The following SRCIN1 variants were observed in gnomAD, a reference collection of about 807,000 sequenced individuals.
The protein encoded by SRCIN1 is P130Cas-associated protein.
Under a neutral mutation model 116.2 loss-of-function variants are expected in SRCIN1, and 50 were observed. The observed-to-expected ratio is 0.43, with a 90% confidence interval of 0.34 to 0.54. The LOEUF (loss-of-function observed/expected upper bound fraction) is 0.54, where lower values mean the gene tolerates loss of function less well. SRCIN1 is among the 20% of genes least tolerant of loss of function. The pLI is 0.02. For synonymous variants in SRCIN1, 736 were observed against 750.0 expected, an observed-to-expected ratio of 0.98 and a Z score of 0.30; for missense variants, 1,446 against 1,672.0, an observed-to-expected ratio of 0.86 and a Z score of 2.36.
chr17:38,590,642 C>G (rs563447905), intron 1 of SRCIN1, among the ~76,000 whole-genome samples: 1 of 152,318 alleles, frequency 6.6e-6, no homozygotes, highest in East Asian at 1.9e-4. Context: ...TTGCAAACCC[C>G]CTATTTTACA....
chr17:38,556,592 G>A (rs187485305), intron 11 of SRCIN1, among the ~76,000 whole-genome samples: 40 of 152,362 alleles, frequency 2.6e-4, no homozygotes, highest in African/African-American at 9.4e-4. Context: ...CAGGGTTAAA[G>A]CCTGGGAAGG....
At chr17:38,592,239 G>A (rs1221754303) in intron 1 of SRCIN1, among the ~76,000 whole-genome samples, 3 of 152,168 alleles carry the variant, frequency 2.0e-5, no homozygotes, top group South Asian at 2.1e-4. Context: ...TCTGCAGCTC[G>A]GCACCTGTCA....
At chr17:38,540,224 G>A (rs1393900184) in intron 18 of SRCIN1, among the ~76,000 whole-genome samples, 2 of 152,084 alleles carry the variant, frequency 1.3e-5, no homozygotes, top group Non-Finnish European at 2.9e-5. Flanking sequence ...CTTCTCCTCA[G>A]TCACTTCCTC....
At chr17:38,587,780 C>G in intron 1 of SRCIN1, among the ~76,000 whole-genome samples, 1 of 152,152 alleles carries the variant, frequency 6.6e-6, no homozygotes, top group East Asian at 1.9e-4. Flanking sequence ...AGTGATGCCC[C>G]CAGCCCAGGG....
rs1472899957 is a variant in SRCIN1, at chr17:38,578,502, C to T, written c.312G>A (p.Arg104=). 1 of 1,588,554 alleles carries T rather than the reference C, an allele frequency of 6.3e-7. No homozygotes were observed. Among genetic ancestry groups the T allele is most frequent in the African/African-American group, 1.3e-5 (1 of 74,086 alleles). Residue 104 remains arginine (R), a synonymous_variant, in exon 2 of 19, where the codon AGG becomes AGA. Coordinates refer to ENST00000617146, the MANE Select transcript of SRCIN1 (RefSeq NM_025248.3). ...GGAGCCCACTCACCTGCTCTCGCATCCTGTCCTGCTGGCCTCGCAGGGCCA... is the reference window on the plus strand; with the variant it reads ...GGAGCCCACTCACCTGCTCTCGCATTCTGTCCTGCTGGCCTCGCAGGGCCA... ...HALALRGQQD[R]MREQPNYWSF...
intron 15 of SRCIN1, among the ~76,000 whole-genome samples, chr17:38,550,382 T>TC (rs1308020321): frequency 6.6e-6 from 1 of 152,032 alleles, no homozygotes; most frequent in African/African-American, 2.4e-5. Flanking sequence ...TAGTCCCAGC[T>TC]ACTCGGGAGG....
chr17:38,586,909 G>T (rs1279782330), intron 1 of SRCIN1, among the ~76,000 whole-genome samples: 1 of 152,192 alleles, frequency 6.6e-6, no homozygotes, highest in Non-Finnish European at 1.5e-5. Context: ...TGAGGCTGGG[G>T]GCCTGGGCCC....
chr17:38,551,900 C>T lies in SRCIN1; in HGVS notation c.2713G>A (p.Ala905Thr). 6.2e-7 allele frequency: 1 copy of T among 1,613,962 alleles called. No individual in the cohort carries two copies. Among genetic ancestry groups the T allele is most frequent in the Non-Finnish European group, 8.5e-7 (1 of 1,179,898 alleles). ...DTPGKRSVDK[A>T]VSVEAAERDW... ...GGCCCCAGCACCTCAACAGACACAG[C>T]TTTGTCCACGCTTCTCTTGCCAGGA... Residue 905 changes from alanine to threonine, a missense_variant, in exon 14 of 19, where the codon GCT becomes ACT. Ala to Thr is a moderately conservative substitution (Grantham distance 58, BLOSUM62 0). This residue lies in a region of SRCIN1 where 531 missense variants were observed against 633.9 expected (regional missense o/e 0.84). Transcript: ENST00000617146.
chr17:38,539,443 C>T (rs1312367052), intron 18 of SRCIN1, among the ~76,000 whole-genome samples: 1 of 152,150 alleles, frequency 6.6e-6, no homozygotes, highest in Admixed American at 6.5e-5. Context: ...CCTGGTCACT[C>T]CTTTGCTGAC....
At position 38,531,952 on chromosome 17, in the gene SRCIN1, C is replaced by T. The variant is rs1054216735; in HGVS notation, c.*1345G>A. On this transcript the variant is annotated 3_prime_UTR_variant, in exon 19 of 19. Transcript: ENST00000617146. Reference sequence around the variant, plus strand: ...CCCCGCTCCTCCTCCTCCTCTTCTCCTATCCTCTCCCTACCGGCTCCTCAC... The same window carrying T: ...CCCCGCTCCTCCTCCTCCTCTTCTCTTATCCTCTCCCTACCGGCTCCTCAC... 2 of 153,132 alleles carry T rather than the reference C, an allele frequency of 1.3e-5. No individual in the cohort carries two copies. Among genetic ancestry groups the T allele is most frequent in the African/African-American group, 4.8e-5 (2 of 41,482 alleles). 9.5% of individuals were successfully genotyped at this position (153,132 alleles called of 1,614,324 possible).
chr17:38,539,970 G>A (rs1366783109), intron 18 of SRCIN1, among the ~76,000 whole-genome samples: 6 of 138,180 alleles, frequency 4.3e-5, no homozygotes, highest in Non-Finnish European at 7.5e-5. Context: ...GCCGTGAGCC[G>A]AGATCACGCC....
rs1265652528 is a variant in SRCIN1, at chr17:38,572,105, G to C, written c.325-3874C>G. ...CTCCTTGACCTCAAGCCCTGACCAC[G>C]CACCTTCCAAGGAGGGAGGGCAACC... is the stretch of plus-strand genomic sequence containing the variant. On this transcript the variant is annotated intron_variant, in intron 2 of 18. Transcript: ENST00000617146. This position sits in a 1 kb window ranked among gnomAD's most constrained non-coding sequence, Gnocchi z 4.3. Among the ~76,000 whole-genome samples the C allele has an allele frequency of 6.6e-6, 1 of 152,046 alleles. No individual in the cohort carries two copies. The highest frequency in any genetic ancestry group is 1.5e-5 in the Non-Finnish European group (1 of 68,020).
At chr17:38,569,266 G>A (rs915495516) in intron 2 of SRCIN1, among the ~76,000 whole-genome samples, 1 of 152,226 alleles carries the variant, frequency 6.6e-6, no homozygotes, top group Non-Finnish European at 1.5e-5. Context: ...AGCTGCCCTG[G>A]GGCCGGGTTG....
intron 15 of SRCIN1, among the ~76,000 whole-genome samples, chr17:38,549,608 C>G (rs189523111): frequency 1.3e-5 from 2 of 152,316 alleles, no homozygotes; most frequent in African/African-American, 4.8e-5. Context: ...CTGCCCCTCA[C>G]CCTTGCCTCG....
intron 14 of SRCIN1, 116 bp downstream of exon 14, chr17:38,551,770 C>T: frequency 1.3e-6 from 2 of 1,560,652 alleles, no homozygotes; most frequent in East Asian, 2.2e-5. Context: ...GGGCACTGGC[C>T]CTCCTCCCCC....
chr17:38,554,229 T>C (rs1459415909), intron 11 of SRCIN1, among the ~76,000 whole-genome samples: 1 of 150,118 alleles, frequency 6.7e-6, no homozygotes, highest in Non-Finnish European at 1.5e-5. Flanking sequence ...AAAAAAGAGT[T>C]CCCCCTTCAT....
At chr17:38,538,416 C>CAAAAAAA (rs536827040) in intron 18 of SRCIN1, among the ~76,000 whole-genome samples, 5 of 100,540 alleles carry the variant, frequency 5.0e-5, no homozygotes, top group African/African-American at 1.1e-4. Context: ...GACTCCGTCT[C>CAAAAAAA]AAAAAAAAAA....
At chr17:38,593,915 AC>A (rs1441938216) in intron 1 of SRCIN1, among the ~76,000 whole-genome samples, 1 of 152,110 alleles carries the variant, frequency 6.6e-6, no homozygotes, top group Admixed American at 6.5e-5. Flanking sequence ...CTTTTCCAAA[AC>A]CCATCCACAT....
chr17:38,540,592 A>C (rs916471295), intron 18 of SRCIN1, among the ~76,000 whole-genome samples: 3 of 151,522 alleles, frequency 2.0e-5, no homozygotes, highest in African/African-American at 7.3e-5. Flanking sequence ...ATCGTGTCCC[A>C]CCAGTGACCC....
Sources: allele counts gnomAD v4.1 joint callset (sites outside exome capture counted in the v4.1 genomes callset), GRCh38; gene constraint gnomAD v4.1.1; regional missense constraint gnomAD v4.1.1; non-coding constraint Gnocchi (gnomAD v3.1); transcripts MANE v1.5; gene names NCBI Gene and HGNC (gene_info 2026-07-23, HGNC 2026-07-21).